REV1: variants seen among roughly 807,000 people sequenced by gnomAD.
REV1 encodes the protein REV1 DNA directed polymerase.
A neutral mutation model predicts 137.4 loss-of-function variants in REV1; 42 were observed. The observed-to-expected ratio is 0.31, with a 90% CI of 0.24 to 0.40. The LOEUF is 0.40. Ranked by LOEUF, REV1 falls within the 10% of genes least tolerant of loss-of-function variation. The probability of loss-of-function intolerance (pLI) is 1.00; values close to 1 mark genes in which losing one functional copy is unlikely to be tolerated. For synonymous variants in REV1, 524 were observed against 519.2 expected, an observed-to-expected ratio of 1.01 and a Z score of -0.12; for missense variants, 1,282 against 1,490.1, an observed-to-expected ratio of 0.86 and a Z score of 2.30.
At chr2:99,435,774 T>C in intron 7 of REV1, 60 bp downstream of exon 7, 3 of 865,290 alleles carry the variant, frequency 3.5e-6, no homozygotes, top group Admixed American at 5.2e-5. Flanking sequence ...TTGTAATCTC[T>C]TTGAATATAT....
At chr2:99,426,730 T>A (rs1559327153) in intron 9 of REV1, among the ~76,000 whole-genome samples, 3 of 152,162 alleles carry the variant, frequency 2.0e-5, no homozygotes, top group Admixed American at 1.3e-4. Flanking sequence ...CCGTGACTCA[T>A]CTATTACAAC....
intron 9 of REV1, among the ~76,000 whole-genome samples, chr2:99,427,673 A>G (rs1414169191): frequency 6.6e-6 from 1 of 152,220 alleles, no homozygotes; most frequent in African/African-American, 2.4e-5. Flanking sequence ...GATGGCCACA[A>G]AACAAGTATC....
chr2:99,484,362 C>G (rs1686930597), intron 1 of REV1, among the ~76,000 whole-genome samples: 2 of 151,914 alleles, frequency 1.3e-5, no homozygotes, highest in Admixed American at 1.3e-4. Flanking sequence ...TCATATGTAC[C>G]CCAGAACCTA....
At chr2:99,423,336 G>A (rs1408993393) in intron 10 of REV1, among the ~76,000 whole-genome samples, 1 of 152,194 alleles carries the variant, frequency 6.6e-6, no homozygotes, top group African/African-American at 2.4e-5. Context: ...TACTGCCCAG[G>A]AGTTGACAAA....
At chr2:99,416,468 T>C (rs1677878011) in intron 12 of REV1, among the ~76,000 whole-genome samples, 1 of 152,124 alleles carries the variant, frequency 6.6e-6, no homozygotes, top group African/African-American at 2.4e-5. Flanking sequence ...AGGTTAAGGA[T>C]TTGGGGATTT....
At chr2:99,441,099 G>A (rs1317673909) in intron 5 of REV1, among the ~76,000 whole-genome samples, 1 of 150,260 alleles carries the variant, frequency 6.7e-6, no homozygotes, top group East Asian at 1.9e-4. Context: ...TATTAATGTG[G>A]GTAAGAAAAG....
In REV1 at chr2:99,487,779, A is replaced by G. The variant is rs1687291489; in HGVS notation, c.-11+2038T>C. 1.7e-5 allele frequency among the ~76,000 whole-genome samples: 2 copies of G among 118,218 alleles called. 1 individual carries two copies. Among genetic ancestry groups the G allele is most frequent in the Admixed American group, 2.1e-4 (2 of 9,306 alleles). The allele number at this position is 118,218 out of a possible 152,430, so 77.6% of individuals were successfully genotyped here. On this transcript the variant is annotated intron_variant, in intron 1 of 22. Transcript: ENST00000258428. ...GTGTAGGACTTGTTCATTTATTTGGAGACGAGAGGTACCTGTCACCTCTTC... is the reference window on the plus strand; with the variant it reads ...GTGTAGGACTTGTTCATTTATTTGGGGACGAGAGGTACCTGTCACCTCTTC...
chr2:99,466,486 C>T (rs1196196953), intron 1 of REV1, among the ~76,000 whole-genome samples: 1 of 152,176 alleles, frequency 6.6e-6, no homozygotes, highest in Non-Finnish European at 1.5e-5. Context: ...AGGTGATCTG[C>T]CCGCCTATGC....
At chr2:99,464,643 C>T (rs1258629715) in intron 2 of REV1, among the ~76,000 whole-genome samples, 1 of 152,112 alleles carries the variant, frequency 6.6e-6, no homozygotes, top group Non-Finnish European at 1.5e-5. Context: ...ATGTGTTTTC[C>T]TGTTTTTCTG....
intron 12 of REV1, among the ~76,000 whole-genome samples, chr2:99,415,301 GCT>G (rs917332634): frequency 1.3e-5 from 2 of 152,298 alleles, no homozygotes; most frequent in Non-Finnish European, 1.5e-5. Flanking sequence ...AGGAAAATAT[GCT>G]CTTTTAGAAT....
intron 1 of REV1, among the ~76,000 whole-genome samples, chr2:99,489,192 G>A (rs1457416033): frequency 6.6e-6 from 1 of 152,152 alleles, no homozygotes; most frequent in African/African-American, 2.4e-5. Flanking sequence ...CGTATTTAGC[G>A]AACGGACAAG....
chr2:99,454,550 C>CAAAAAAAAAAAAAAAAAAA (rs373850478), intron 3 of REV1, among the ~76,000 whole-genome samples: 4 of 82,364 alleles, frequency 4.9e-5, no homozygotes, highest in African/African-American at 9.9e-5. Flanking sequence ...AACTCCAGCT[C>CAAAAAAAAAAAAAAAAAAA]AAAAAAAAAA....
Position 99,407,080 on chromosome 2 carries a change from C to CTTTTTTTT in REV1, c.2449-598_2449-591dup, listed in dbSNP as rs869170472. 5.5e-3 allele frequency among the ~76,000 whole-genome samples: 329 copies of CTTTTTTTT among 60,042 alleles called. 86 individuals carry two copies. The highest frequency in any genetic ancestry group is 0.015 in the African/African-American group (234 of 15,550). 39.4% of individuals were successfully genotyped at this position (60,042 alleles called of 152,430 possible). Reference sequence around the variant, plus strand: ...ACATAAAACTAAACCTACAAAGGTTCTTTTTTTTTTTTTTTTTTTTTTTTT... The same window carrying CTTTTTTTT: ...ACATAAAACTAAACCTACAAAGGTTCTTTTTTTTTTTTTTTTTTTTTTTTTTTTTTTTT... On this transcript the variant is annotated intron_variant, in intron 15 of 22. Coordinates refer to ENST00000258428, the MANE Select transcript of REV1 (RefSeq NM_016316.4).
intron 5 of REV1, among the ~76,000 whole-genome samples, chr2:99,441,928 G>A (rs1372828208): frequency 6.6e-6 from 1 of 152,132 alleles, no homozygotes; most frequent in Non-Finnish European, 1.5e-5. Flanking sequence ...CTGTCTGACT[G>A]TAACAGAGCA....
At chr2:99,488,658 G>C (rs1687348292) in intron 1 of REV1, among the ~76,000 whole-genome samples, 1 of 152,208 alleles carries the variant, frequency 6.6e-6, no homozygotes, top group Non-Finnish European at 1.5e-5. Flanking sequence ...GTCCCTGCAC[G>C]GGCAAACCCA....
intron 9 of REV1, among the ~76,000 whole-genome samples, chr2:99,427,826 C>T (rs1368511633): frequency 6.6e-6 from 1 of 152,040 alleles, no homozygotes; most frequent in Non-Finnish European, 1.5e-5. Context: ...TCTTCTTAAA[C>T]ATCTGCACTT....
intron 1 of REV1, among the ~76,000 whole-genome samples, chr2:99,485,386 C>G (rs1174513699): frequency 1.3e-5 from 2 of 152,092 alleles, no homozygotes; most frequent in African/African-American, 4.8e-5. Flanking sequence ...CTTTAAGTTC[C>G]AATTAATAAC....
At chr2:99,476,216 C>G (rs907802079) in intron 1 of REV1, among the ~76,000 whole-genome samples, 8 of 152,120 alleles carry the variant, frequency 5.3e-5, no homozygotes, top group African/African-American at 1.2e-4. Flanking sequence ...TCTTTTCCCC[C>G]CCTTCACATG....
At chr2:99,419,129 CAG>C (rs1297828032) in intron 11 of REV1, among the ~76,000 whole-genome samples, 182 bp from the exon 12 acceptor site, 1 of 151,394 alleles carries the variant, frequency 6.6e-6, no homozygotes, top group African/African-American at 2.4e-5. Context: ...AGTACCTGGA[CAG>C]AGGTTTCTCT....
Sources: allele counts gnomAD v4.1 joint callset (sites outside exome capture counted in the v4.1 genomes callset), GRCh38; gene constraint gnomAD v4.1.1; transcripts MANE v1.5; gene names NCBI Gene and HGNC (gene_info 2026-07-23, HGNC 2026-07-21).